The following DLG3 variants were observed in gnomAD, a reference collection of about 807,000 sequenced individuals.
DLG3 encodes the protein discs large MAGUK scaffold protein 3.
A neutral mutation model predicts 64.1 loss-of-function variants in DLG3; 1 was observed. The ratio of observed to expected loss-of-function variants is 0.02; its 90% CI spans 0.01 to 0.07. The LOEUF is 0.07. DLG3 is among the 10% of genes least tolerant of loss of function. The pLI, the probability that DLG3 is intolerant of heterozygous loss-of-function variation, is 1.00. For synonymous variants in DLG3, 245 were observed against 259.8 expected (o/e 0.94, Z 0.55); for missense variants, 429 against 669.5 (o/e 0.64, Z 3.96).
At chrX:70,449,065 C>T in intron 2 of DLG3, 102 bp downstream of exon 2, 1 of 956,254 alleles carries the variant, frequency 1.0e-6, no homozygotes, top group Admixed American at 2.6e-5. Flanking sequence ...GGGGGACCTG[C>T]ATTTAGAGGA....
chrX:70,452,399 C>A, intron 7 of DLG3: 1 of 950,576 alleles, frequency 1.1e-6, no homozygotes, highest in Non-Finnish European at 1.3e-6. Flanking sequence ...GAAAGCAGTT[C>A]AGCCGGTGGG....
chrX:70,474,465 A>G (rs1362048808), intron 9 of DLG3, among the ~76,000 whole-genome samples: 1 of 111,067 alleles, frequency 9.0e-6, no homozygotes. Context: ...CACTGGTTGT[A>G]TGCAGGGAAA....
At chrX:70,477,669 A>G (rs2087079069) in intron 9 of DLG3, among the ~76,000 whole-genome samples, 1 of 111,987 alleles carries the variant, frequency 8.9e-6, no homozygotes, top group Admixed American at 9.4e-5. Flanking sequence ...CCAGGATTTC[A>G]GGAACAGGAG....
chrX:70,454,976 CG>C lies in DLG3; in HGVS notation c.1405+663del, dbSNP rs1410108736. 10 of 731,086 alleles carry C rather than the reference CG, an allele frequency of 1.4e-5. No homozygotes were observed. The African/African-American group carries it at 2.1e-4, about 15-fold the overall frequency. 60.2% of individuals were successfully genotyped at this position (731,086 alleles called of 1,213,427 possible). On this transcript the variant is annotated intron_variant, in intron 9 of 18. Transcript: ENST00000374360. ...GAGGCCCAGGTGCCGAGGTGAGCCG[CG>C]GGAAGGCGCGCCCTAGCCTGCGGGC... is the stretch of plus-strand genomic sequence containing the variant.
At chrX:70,456,717 T>C (rs1403588140) in intron 9 of DLG3, among the ~76,000 whole-genome samples, 1 of 110,899 alleles carries the variant, frequency 9.0e-6, no homozygotes, top group Non-Finnish European at 1.9e-5. Flanking sequence ...CTCCTTTGGT[T>C]TGGTAAATCC....
At chrX:70,456,128 G>C (rs768485359) in intron 9 of DLG3, 9 of 112,386 alleles carry the variant, frequency 8.0e-5, no homozygotes, top group Middle Eastern at 4.6e-3. Flanking sequence ...GATGCAAATG[G>C]ACACTTTGAG....
At chrX:70,472,391 A>G (rs1192559184) in intron 9 of DLG3, among the ~76,000 whole-genome samples, 1 of 110,817 alleles carries the variant, frequency 9.0e-6, no homozygotes, top group African/African-American at 3.3e-5. Context: ...CGTCTCTACT[A>G]AAAATACAAA....
At chrX:70,445,660 C>G in intron 1 of DLG3, 102 bp downstream of exon 1, 3 of 774,115 alleles carry the variant, frequency 3.9e-6, no homozygotes, top group Non-Finnish European at 5.7e-6. Context: ...GGCTCCAAGC[C>G]TGTGGACCCC....
chrX:70,496,688 G>A (rs2087461910), intron 13 of DLG3, among the ~76,000 whole-genome samples: 1 of 112,428 alleles, frequency 8.9e-6, no homozygotes. Flanking sequence ...TCAGAGCAGC[G>A]CTCCCTGGTG....
At chrX:70,462,554 G>A (rs1280392599) in intron 9 of DLG3, among the ~76,000 whole-genome samples, 4 of 111,493 alleles carry the variant, frequency 3.6e-5, no homozygotes, top group Non-Finnish European at 5.7e-5. Context: ...CACCATACCC[G>A]GCCACTTGAT....
At chrX:70,492,977 G>T (rs2087385952) in intron 12 of DLG3, among the ~76,000 whole-genome samples, 1 of 111,872 alleles carries the variant, frequency 8.9e-6, no homozygotes, top group Non-Finnish European at 1.9e-5. Flanking sequence ...AGGCAGGCGG[G>T]TTCTCCATTC....
intron 1 of DLG3, chrX:70,448,496 C>T (rs2086588305): frequency 4.7e-6 from 4 of 843,725 alleles, no homozygotes; most frequent in Non-Finnish European, 6.7e-6. Context: ...GAAGGGTTAT[C>T]TGTCTAGGCC....
At chrX:70,455,279 CG>C in intron 9 of DLG3, 4 of 754,141 alleles carry the variant, frequency 5.3e-6, no homozygotes, top group Non-Finnish European at 6.3e-6. Context: ...GTGGGGCGGA[CG>C]GGGGTCAGGC....
chrX:70,453,520 C>T (rs1468653490), intron 7 of DLG3, 117 bp from the exon 8 acceptor site: 5 of 1,064,929 alleles, frequency 4.7e-6, no homozygotes, highest in Non-Finnish European at 5.0e-6. Flanking sequence ...GGGTATCATA[C>T]ATAGGGAACC....
At chrX:70,458,738 A>G (rs1205903165) in intron 9 of DLG3, among the ~76,000 whole-genome samples, 1 of 112,692 alleles carries the variant, frequency 8.9e-6, no homozygotes, top group African/African-American at 3.2e-5. Flanking sequence ...AAATATTAAA[A>G]TAGAAATAGA....
intron 17 of DLG3, 88 bp downstream of exon 17, chrX:70,500,668 A>G (rs1041470640): frequency 2.4e-6 from 2 of 828,730 alleles, no homozygotes; most frequent in Admixed American, 4.6e-5. Context: ...CTGGGCAGAA[A>G]CTTGAAAGAA....
chrX:70,468,937 T>G (rs1417773649), intron 9 of DLG3, among the ~76,000 whole-genome samples: 1 of 111,261 alleles, frequency 9.0e-6, no homozygotes, highest in African/African-American at 3.3e-5. Flanking sequence ...TCTTAGAAAT[T>G]ATCTAGTTTT....
chrX:70,452,301 T>G, intron 7 of DLG3: 1 of 1,040,017 alleles, frequency 9.6e-7, no homozygotes. Context: ...GGTGGAGCGT[T>G]TAGGGGGCTG....
intron 6 of DLG3, 36 bp from the exon 7 acceptor site, chrX:70,451,831 A>G: frequency 8.3e-7 from 1 of 1,208,543 alleles, no homozygotes; most frequent in Non-Finnish European, 1.1e-6. Flanking sequence ...TCCCTGGACC[A>G]GTCTCTGAAC....
Sources: allele counts gnomAD v4.1 joint callset (sites outside exome capture counted in the v4.1 genomes callset), GRCh38; gene constraint gnomAD v4.1.1; transcripts MANE v1.5; gene names NCBI Gene and HGNC (gene_info 2026-07-23, HGNC 2026-07-21).